KCNJ5: variants seen among roughly 807,000 people sequenced by gnomAD.
KCNJ5 encodes the protein potassium inwardly rectifying channel subfamily J member 5.
A neutral mutation model predicts 20.2 loss-of-function variants in KCNJ5; 12 were observed. The observed-to-expected ratio is 0.59, with a 90% CI of 0.38 to 0.96. The LOEUF is 0.96. Among genes scored for constraint, KCNJ5 ranks in the 40% least tolerant of loss-of-function variants. The probability of loss-of-function intolerance (pLI) is 0.00; values close to 1 mark genes in which losing one functional copy is unlikely to be tolerated. For missense variants in KCNJ5, 449 were observed against 557.6 expected, an observed-to-expected ratio of 0.81 and a Z score of 1.96; for synonymous variants, 210 against 213.9, an observed-to-expected ratio of 0.98 and a Z score of 0.16.
chr11:128,906,653 C>T (rs376834561), intron 1 of KCNJ5, among the ~76,000 whole-genome samples: 1 of 152,178 alleles, frequency 6.6e-6, no homozygotes, highest in East Asian at 1.9e-4. Flanking sequence ...CATTCCTTGC[C>T]GTGTGGCCCC....
Position 128,917,070 on chromosome 11 carries a change from T to C in KCNJ5, c.*339T>C. ...TCCTTTTTTGGGTCTCACAGACCCC[T>C]CCAGGGGCTGACACCTAGAGAGAAC... On this transcript the variant is annotated 3_prime_UTR_variant, in exon 3 of 3. Coordinates refer to ENST00000529694, the MANE Select transcript of KCNJ5 (RefSeq NM_000890.5). The C allele has an allele frequency of 4.5e-6, 1 of 224,286 alleles. No homozygotes were observed. Among genetic ancestry groups the C allele is most frequent in the Non-Finnish European group, 8.7e-6 (1 of 114,590 alleles). The allele number at this position is 224,286 out of a possible 1,614,324, so 13.9% of individuals were successfully genotyped here.
Position 128,916,634 on chromosome 11 carries a change from G to C in KCNJ5, c.1163G>C (p.Gly388Ala). The C allele has an allele frequency of 6.2e-7, 1 of 1,613,794 alleles. No homozygotes were observed. ...QYLPSPPLLG[G>A]CAEAGLDAEA... ...CTCCCCAGCCCCCCACTGCTGGGGG[G>C]CTGTGCTGAGGCAGGGCTGGATGCA... The change falls in exon 3 of 3, where the codon GGC becomes GCC. Residue 388 changes from glycine to alanine, a missense_variant. Physicochemically the swap from Gly to Ala is moderately conservative, Grantham distance 60. Coordinates refer to ENST00000529694, the MANE Select transcript of KCNJ5 (RefSeq NM_000890.5).
At chr11:128,904,349 AT>A (rs35311412) in intron 1 of KCNJ5, 87,285 of 1,573,926 alleles carry the variant, frequency 0.055, 3,454 homozygotes, top group African/African-American at 0.19. Flanking sequence ...TACTGCACTG[AT>A]TTTTTTTGCC....
At position 128,916,385 on chromosome 11, in the gene KCNJ5, T is replaced by C. The variant is rs1056179012; in HGVS notation, c.938-24T>C. ...AGATGGATGGATGATTGCATCATAA[T>C]GCATGTAACTTCCGTTTCCCCAGGC... On this transcript the variant is annotated intron_variant, in intron 2 of 2. Transcript: ENST00000529694. 8 of 1,557,720 alleles carry C rather than the reference T, an allele frequency of 5.1e-6. No homozygotes were observed. The African/African-American group carries it at 6.8e-5, about 13-fold the overall frequency.
chr11:128,917,033 C>T lies in KCNJ5; in HGVS notation c.*302C>T, dbSNP rs1418702860. 1.3e-5 allele frequency: 4 copies of T among 298,636 alleles called. No individual in the cohort carries two copies. The highest frequency in any genetic ancestry group is 2.1e-5 in the African/African-American group (1 of 46,554). 18.5% of individuals were successfully genotyped at this position (298,636 alleles called of 1,614,324 possible). ...CCGGATGGCATCTGTTCTCTCCATGCCCTGGGTCACTTCCTTTTTTGGGTC... is the reference window on the plus strand; with the variant it reads ...CCGGATGGCATCTGTTCTCTCCATGTCCTGGGTCACTTCCTTTTTTGGGTC... On this transcript the variant is annotated 3_prime_UTR_variant, in exon 3 of 3. Coordinates refer to ENST00000529694, the MANE Select transcript of KCNJ5 (RefSeq NM_000890.5).
In KCNJ5 at chr11:128,916,725, G is replaced by C. The variant is rs528463709; in HGVS notation, c.1254G>C (p.Ser418=). The C allele has an allele frequency of 1.9e-6, 3 of 1,597,628 alleles. No homozygotes were observed. The highest frequency in any genetic ancestry group is 2.6e-6 in the Non-Finnish European group (3 of 1,172,532). The part of the protein sequence containing the change: ...GLGGSREARG[S]V ...GTGGGTCCAGGGAGGCCAGGGGCTC[G>C]GTGTGAGGGGTGCAGCCTCCCTAAG... The change falls in exon 3 of 3, where the codon TCG becomes TCC. Residue 418 remains serine, a synonymous_variant. Transcript: ENST00000529694.
intron 2 of KCNJ5, among the ~76,000 whole-genome samples, chr11:128,913,603 C>A (rs1184377095): frequency 6.7e-6 from 1 of 148,696 alleles, no homozygotes; most frequent in Non-Finnish European, 1.5e-5. Context: ...CAACCAGGTA[C>A]AATGAGCAGC....
intron 1 of KCNJ5, among the ~76,000 whole-genome samples, chr11:128,895,761 G>A (rs927344736): frequency 2.0e-5 from 3 of 152,264 alleles, no homozygotes; most frequent in Non-Finnish European, 2.9e-5. Context: ...TCCAGCATCC[G>A]TGCTGCGCGC....
intron 1 of KCNJ5, chr11:128,902,401 C>A (rs555086028): frequency 2.1e-6 from 2 of 955,204 alleles, no homozygotes; most frequent in Admixed American, 2.2e-5. Flanking sequence ...TCGCACTGCC[C>A]AAGACACTGT....
chr11:128,908,800 G>A (rs991644196), intron 1 of KCNJ5, among the ~76,000 whole-genome samples: 6 of 152,140 alleles, frequency 3.9e-5, no homozygotes, highest in Admixed American at 6.5e-5. Context: ...AGTCCGCAGC[G>A]GCACCCCCAT....
At chr11:128,902,291 C>T (rs1436407660) in intron 1 of KCNJ5, 1 of 537,884 alleles carries the variant, frequency 1.9e-6, no homozygotes, top group African/African-American at 1.9e-5. Context: ...CCTGATCCGC[C>T]CTCCTGTCCC....
rs1944490000 is a variant in KCNJ5, at chr11:128,911,137, T to G, written c.-10-127T>G. The stretch of plus-strand genomic sequence containing the variant: ...AGTGAGGCCCCTGCCCTTGAGGATT[T>G]CACGCCCTGACCCCTGGATAACAGA... On this transcript the variant is annotated intron_variant, in intron 1 of 2. Coordinates refer to ENST00000529694, the MANE Select transcript of KCNJ5 (RefSeq NM_000890.5). This position sits in a 1 kb window ranked among gnomAD's most constrained non-coding sequence, Gnocchi z 6.3. 3 of 754,144 alleles carry G rather than the reference T, an allele frequency of 4.0e-6. No individual in the cohort carries two copies. The highest frequency in any genetic ancestry group is 3.5e-5 in the African/African-American group (2 of 57,720). The allele number at this position is 754,144 out of a possible 1,614,324, so 46.7% of individuals were successfully genotyped here.
chr11:128,894,183 GTT>G (rs11322063), intron 1 of KCNJ5, among the ~76,000 whole-genome samples: 21,460 of 147,728 alleles, frequency 0.15, 1,629 homozygotes, highest in Middle Eastern at 0.19. Flanking sequence ...CTTCTGCATT[GTT>G]TTTTTTTTTT....
rs148421047 is a variant in KCNJ5 at position 128,915,354 on chromosome 11, G to A, written c.938-1055G>A. Among the ~76,000 whole-genome samples, 8 of 152,298 alleles carry A rather than the reference G, an allele frequency of 5.3e-5. No homozygotes were observed. In the East Asian group the frequency reaches 1.2e-3, roughly 22 times the overall value. On this transcript the variant is annotated intron_variant, in intron 2 of 2. Coordinates refer to ENST00000529694, the MANE Select transcript of KCNJ5 (RefSeq NM_000890.5). ...TCAAGAAGCCAAGCTCTGTGTGTGC[G>A]TCTGCTCCTCTTCCTGTGTGTATGT...
At position 128,912,201 on chromosome 11, in the gene KCNJ5, G is replaced by T; in HGVS notation, c.928G>T (p.Glu310Ter). Residue 310 changes from glutamate to a stop codon, truncating the protein, a stop_gained, in exon 2 of 3, where the codon GAA (glutamate) becomes TAA (stop). Transcript: ENST00000529694. LOFTEE classifies it low-confidence loss of function (END_TRUNC). ...TGTGGTCATTCTAGAAGGGATGGTGGAAGCCACAGGTAAGGCGCTTTGTCC... is the reference window on the plus strand; with the variant it reads ...TGTGGTCATTCTAGAAGGGATGGTGTAAGCCACAGGTAAGGCGCTTTGTCC... ...EVVVILEGMV[E>*]ATGMTCQARS... 6.2e-7 allele frequency: 1 copy of T among 1,601,998 alleles called. No homozygotes were observed. Among genetic ancestry groups the T allele is most frequent in the Non-Finnish European group, 8.5e-7 (1 of 1,179,806 alleles).
intron 1 of KCNJ5, among the ~76,000 whole-genome samples, chr11:128,895,437 C>A (rs1372700951): frequency 6.7e-6 from 1 of 149,066 alleles, no homozygotes; most frequent in Non-Finnish European, 1.5e-5. Flanking sequence ...TGCCTGGAAC[C>A]CTGGGCAGTG....
At chr11:128,909,583 A>G (rs572333613) in intron 1 of KCNJ5, among the ~76,000 whole-genome samples, 1 of 152,202 alleles carries the variant, frequency 6.6e-6, no homozygotes, top group African/African-American at 2.4e-5. Context: ...CAACATGTTT[A>G]ATCTTTCAGT....
chr11:128,897,552 T>C (rs1944197078), intron 1 of KCNJ5, among the ~76,000 whole-genome samples: 1 of 152,262 alleles, frequency 6.6e-6, no homozygotes, highest in African/African-American at 2.4e-5. Flanking sequence ...TAGATACCAG[T>C]CCTTTGTCAG....
At chr11:128,896,629 T>G (rs1302775176) in intron 1 of KCNJ5, among the ~76,000 whole-genome samples, 1 of 151,924 alleles carries the variant, frequency 6.6e-6, no homozygotes, top group African/African-American at 2.4e-5. Context: ...TGTGTGTGTG[T>G]GTGGTTTTTT....
Sources: allele counts gnomAD v4.1 joint callset (sites outside exome capture counted in the v4.1 genomes callset), GRCh38; gene constraint gnomAD v4.1.1; non-coding constraint Gnocchi (gnomAD v3.1); transcripts MANE v1.5; gene names NCBI Gene and HGNC (gene_info 2026-07-23, HGNC 2026-07-21).